Variants in CELF2 observed in about 807,000 individuals in gnomAD.
CELF2 encodes CUG triplet repeat RNA-binding protein 2.
In CELF2, 8 loss-of-function variants were observed where a neutral mutation model predicts 62.6. That is an observed-to-expected ratio of 0.13 (90% CI 0.07 to 0.23). The LOEUF (loss-of-function observed/expected upper bound fraction) is 0.23. Among genes scored for constraint, CELF2 ranks in the 10% least tolerant of loss-of-function variants. CELF2 has a pLI of 1.00. For missense variants in CELF2, 333 were observed against 671.0 expected (o/e 0.50, Z 5.56); for synonymous variants, 258 against 250.0 (o/e 1.03, Z -0.30).
chr10:11,066,261 C>G (rs576925650), intron 1 of CELF2, among the ~76,000 whole-genome samples: 11 of 152,146 alleles, frequency 7.2e-5, no homozygotes, highest in African/African-American at 2.7e-4. Context: ...TAAATTTCAT[C>G]TCTTTTCTGG....
At chr10:10,578,886 T>G in the CELF2 span, among the ~76,000 whole-genome samples, 1 of 152,166 alleles carries the variant, frequency 6.6e-6, no homozygotes, top group South Asian at 2.1e-4. Context: ...CACTTTAGGT[T>G]GTTGATGCTA....
chr10:10,737,793 T>A, the CELF2 span, among the ~76,000 whole-genome samples: 1 of 151,820 alleles, frequency 6.6e-6, no homozygotes, highest in African/African-American at 2.4e-5. Flanking sequence ...TGAGTCAAGG[T>A]CAAAAGAAAC....
the CELF2 span, among the ~76,000 whole-genome samples, chr10:10,735,639 T>C: frequency 6.6e-6 from 1 of 152,372 alleles, no homozygotes; most frequent in East Asian, 1.9e-4. Context: ...ATAATTTGAA[T>C]GCATCATCCC....
the CELF2 span, among the ~76,000 whole-genome samples, chr10:10,502,868 T>C: frequency 6.6e-6 from 1 of 151,990 alleles, no homozygotes; most frequent in African/African-American, 2.4e-5. Context: ...TTCTGATGCA[T>C]TTAGTGCTTT....
intron 1 of CELF2, among the ~76,000 whole-genome samples, chr10:11,043,227 G>A (rs1713700374): frequency 6.6e-6 from 1 of 152,180 alleles, no homozygotes; most frequent in Admixed American, 6.5e-5. Context: ...AGAAGGGTGG[G>A]ACACAGAAAG....
At chr10:11,293,328 TTACAC>T (rs1207614023) in intron 9 of CELF2, among the ~76,000 whole-genome samples, 1 of 152,266 alleles carries the variant, frequency 6.6e-6, no homozygotes, top group African/African-American at 2.4e-5. Context: ...CTTCTGTAAT[TTACAC>T]TATAAGAAGA....
At chr10:10,527,461 A>AG in the CELF2 span, among the ~76,000 whole-genome samples, 2 of 151,738 alleles carry the variant, frequency 1.3e-5, no homozygotes, top group East Asian at 3.9e-4. Flanking sequence ...AAAAAAAAAA[A>AG]AGTAACCAGG....
At chr10:10,966,899 A>G (rs1182441881) in intron 2 of CELF2, 1 of 152,228 alleles carries the variant, frequency 6.6e-6, no homozygotes, top group Non-Finnish European at 1.5e-5. Flanking sequence ...TCCTGTAGCC[A>G]CTTGACTGGA....
chr10:10,878,569 G>GCAGGCCTAGACAAGTGGT (rs1330535029), intron 1 of CELF2, among the ~76,000 whole-genome samples: 1 of 152,112 alleles, frequency 6.6e-6, no homozygotes. Context: ...GTCCAAGTGG[G>GCAGGCCTAGACAAGTGGT]CAGGCCTAGA....
chr10:11,016,594 G>GA (rs2057293200), upstream of CELF2, among the ~76,000 whole-genome samples: 1 of 152,198 alleles, frequency 6.6e-6, no homozygotes, highest in South Asian at 2.1e-4. This position sits in a 1 kb window ranked among gnomAD's most constrained non-coding sequence, Gnocchi z 5.2. Flanking sequence ...AGAATCTGGT[G>GA]AGAAATAATT....
intron 2 of CELF2, among the ~76,000 whole-genome samples, chr10:10,970,447 A>T (rs1052974302): frequency 6.6e-6 from 1 of 152,186 alleles, no homozygotes; most frequent in African/African-American, 2.4e-5. Context: ...GCTTTTGTTG[A>T]TGCAGCCTGC....
At chr10:10,483,214 CAAAAAAAAAA>C in the CELF2 span, among the ~76,000 whole-genome samples, 116 of 93,398 alleles carry the variant, frequency 1.2e-3, no homozygotes, top group African/African-American at 4.5e-3. Flanking sequence ...GGCAGAATAC[CAAAAAAAAAA>C]AAAAAAAAAA....
At chr10:10,933,130 TAA>T (rs55850099) in intron 2 of CELF2, among the ~76,000 whole-genome samples, 99 of 144,470 alleles carry the variant, frequency 6.9e-4, no homozygotes, top group Admixed American at 1.7e-3. Flanking sequence ...CCAAGTCTCT[TAA>T]AAAAAAAAAA....
intron 1 of CELF2, among the ~76,000 whole-genome samples, chr10:10,888,856 G>T (rs117062064): frequency 0.013 from 1,953 of 152,218 alleles, 26 homozygotes; most frequent in Non-Finnish European, 0.021. Flanking sequence ...TAACTGATTC[G>T]TTATTTAAAT....
the CELF2 span, among the ~76,000 whole-genome samples, chr10:10,686,852 AG>A: frequency 2.0e-5 from 3 of 152,280 alleles, no homozygotes; most frequent in African/African-American, 7.2e-5. Flanking sequence ...GCACTACAAA[AG>A]GCTCATTCCA....
chr10:10,518,012 C>A, the CELF2 span, among the ~76,000 whole-genome samples: 1 of 152,162 alleles, frequency 6.6e-6, no homozygotes, highest in African/African-American at 2.4e-5. Context: ...AGGTGACAAA[C>A]CACGTTACAA....
At chr10:10,736,357 A>ATTCTTTCTTTCT in the CELF2 span, among the ~76,000 whole-genome samples, 3,054 of 109,538 alleles carry the variant, frequency 0.028, 154 homozygotes, top group Admixed American at 0.11. Flanking sequence ...ACTGATTTCT[A>ATTCTTTCTTTCT]TTCTTTCTTT....
the CELF2 span, among the ~76,000 whole-genome samples, chr10:10,663,575 T>G: frequency 6.6e-6 from 1 of 152,240 alleles, no homozygotes; most frequent in African/African-American, 2.4e-5. Flanking sequence ...GAAAGTTCAC[T>G]ATTTCTCACA....
the CELF2 span, among the ~76,000 whole-genome samples, chr10:10,508,146 T>G: frequency 7.0e-6 from 1 of 143,614 alleles, no homozygotes; most frequent in South Asian, 2.4e-4. Context: ...GAGGTGTCTG[T>G]GCTGTCTCTC....
Sources: allele counts gnomAD v4.1 joint callset (sites outside exome capture counted in the v4.1 genomes callset), GRCh38; gene constraint gnomAD v4.1.1; non-coding constraint Gnocchi (gnomAD v3.1); transcripts MANE v1.5; gene names NCBI Gene and HGNC (gene_info 2026-07-23, HGNC 2026-07-21).